Variants in IL7 observed in about 807,000 individuals in gnomAD.
The protein encoded by IL7 is interleukin 7, also known as interleukin-7.
IL7 carries 3 observed loss-of-function variants against 21.6 expected under a neutral mutation model. The observed-to-expected ratio is 0.14, with a 90% CI of 0.06 to 0.36. The LOEUF is 0.36. Among genes scored for constraint, IL7 ranks in the 10% least tolerant of loss-of-function variants. IL7 has a pLI of 1.00. For missense variants in IL7, 175 were observed against 200.2 expected, an observed-to-expected ratio of 0.87 and a Z score of 0.76; for synonymous variants, 62 against 68.1, an observed-to-expected ratio of 0.91 and a Z score of 0.44.
chr8:78,785,988 T>C (rs1018555708), intron 2 of IL7, among the ~76,000 whole-genome samples: 2 of 152,206 alleles, frequency 1.3e-5, no homozygotes, highest in African/African-American at 4.8e-5. Flanking sequence ...GTCCTCTTTC[T>C]CTCTTTTTAT....
intron 2 of IL7, among the ~76,000 whole-genome samples, chr8:78,748,682 T>C (rs1812063056): frequency 6.6e-6 from 1 of 152,166 alleles, no homozygotes. Flanking sequence ...GAGCTGACTT[T>C]CAAAGATTCA....
chr8:78,719,720 T>C (rs1191726394), intron 5 of IL7: 1 of 151,790 alleles, frequency 6.6e-6, no homozygotes, highest in African/African-American at 2.4e-5. Flanking sequence ...TCACCAATAA[T>C]GTCTTCATAT....
chr8:78,760,568 A>C (rs563183735), intron 2 of IL7: 757 of 1,553,068 alleles, frequency 4.9e-4, no homozygotes, highest in Non-Finnish European at 6.1e-4. Context: ...GTGTTCCTCC[A>C]AAGTATTGAA....
intron 4 of IL7, among the ~76,000 whole-genome samples, chr8:78,680,482 G>A (rs1333696357): frequency 2.0e-5 from 3 of 152,134 alleles, no homozygotes; most frequent in Admixed American, 1.3e-4. Context: ...AACATCCTTG[G>A]GTGAGTCGTA....
chr8:78,699,205 CT>C (rs1334256759), intron 3 of IL7, among the ~76,000 whole-genome samples: 1 of 151,790 alleles, frequency 6.6e-6, no homozygotes, highest in Non-Finnish European at 1.5e-5. Context: ...TAATTTAATC[CT>C]TTTTTATATT....
chr8:78,747,002 A>G (rs1338705407), intron 2 of IL7: 2 of 456,470 alleles, frequency 4.4e-6, no homozygotes, highest in East Asian at 1.4e-4. Flanking sequence ...TCATGGTCAC[A>G]TGTGCTAGAG....
intron 2 of IL7, among the ~76,000 whole-genome samples, chr8:78,744,451 T>A (rs760419826): frequency 3.3e-5 from 5 of 152,038 alleles, no homozygotes; most frequent in Admixed American, 6.5e-5. Flanking sequence ...CTGAAAAAGG[T>A]GACTTGCCCA....
intron 2 of IL7, among the ~76,000 whole-genome samples, chr8:78,759,174 T>C (rs1230768878): frequency 2.0e-5 from 3 of 150,930 alleles, no homozygotes; most frequent in Admixed American, 2.0e-4. Flanking sequence ...ATATTTTAAT[T>C]TCATCCACTG....
intron 3 of IL7, among the ~76,000 whole-genome samples, chr8:78,687,774 ATATATATTTACGTAATACATT>A (rs1563626994): frequency 5.4e-5 from 7 of 129,472 alleles, no homozygotes; most frequent in African/African-American, 1.8e-4. Context: ...AAGACATTAT[ATATATATTTACGTAATACATT>A]ATATATATTC....
intron 2 of IL7, among the ~76,000 whole-genome samples, chr8:78,788,883 T>G (rs551928206): frequency 6.6e-6 from 1 of 152,314 alleles, no homozygotes; most frequent in Non-Finnish European, 1.5e-5. Flanking sequence ...AGTTTTTGCT[T>G]CACAGAGTTT....
At chr8:78,776,731 T>C (rs72661371) in intron 2 of IL7, among the ~76,000 whole-genome samples, 6,694 of 152,154 alleles carry the variant, frequency 0.044, 209 homozygotes, top group Middle Eastern at 0.082. Context: ...GCCCATTTAA[T>C]TTATTTAAAA....
intron 2 of IL7, among the ~76,000 whole-genome samples, chr8:78,792,052 G>A (rs1813714669): frequency 6.6e-6 from 1 of 152,070 alleles, no homozygotes; most frequent in East Asian, 1.9e-4. Context: ...TAAACACCAA[G>A]CTACAGTAAT....
At chr8:78,697,604 T>G in intron 3 of IL7, 1 of 845,880 alleles carries the variant, frequency 1.2e-6, no homozygotes, top group African/African-American at 1.8e-5. Flanking sequence ...TAAGATAGAT[T>G]TATAATTAAG....
chr8:78,708,517 AAAAAAC>A (rs1165423510), intron 3 of IL7, among the ~76,000 whole-genome samples: 2 of 151,918 alleles, frequency 1.3e-5, no homozygotes, highest in African/African-American at 4.8e-5. Context: ...GTCTCCATTA[AAAAAAC>A]AAAAACAAAA....
intron 2 of IL7, among the ~76,000 whole-genome samples, chr8:78,782,951 G>T (rs1281066819): frequency 1.3e-5 from 2 of 152,174 alleles, no homozygotes; most frequent in East Asian, 1.9e-4. Flanking sequence ...GCCTAAAGAG[G>T]CAGTCTGGTG....
intron 2 of IL7, among the ~76,000 whole-genome samples, chr8:78,788,148 T>A (rs1288838955): frequency 6.6e-6 from 1 of 152,180 alleles, no homozygotes; most frequent in African/African-American, 2.4e-5. Context: ...GTTTCTTATT[T>A]TCGTGGTCAG....
At chr8:78,725,235 T>G (rs2130640933) in intron 3 of IL7, among the ~76,000 whole-genome samples, 1 of 151,956 alleles carries the variant, frequency 6.6e-6, no homozygotes, top group Non-Finnish European at 1.5e-5. Flanking sequence ...CATTTCCTAG[T>G]GAGGATGGTG....
chr8:78,751,076 T>A (rs1812153159), intron 2 of IL7, among the ~76,000 whole-genome samples: 1 of 138,012 alleles, frequency 7.2e-6, no homozygotes. Flanking sequence ...CTTCCAAAAC[T>A]GAGAAGCAAA....
chr8:78,795,243 A>G (rs1175908904), intron 2 of IL7, among the ~76,000 whole-genome samples: 3 of 152,132 alleles, frequency 2.0e-5, no homozygotes, highest in Admixed American at 1.3e-4. Flanking sequence ...ATGTCTGCAA[A>G]GCATCTAGTC....
Sources: gnomAD v4.1 joint callset for allele counts (sites outside exome capture counted in the v4.1 genomes callset) on GRCh38, gnomAD v4.1.1 for gene constraint, MANE v1.5 for transcripts, NCBI Gene and HGNC (gene_info 2026-07-23, HGNC 2026-07-21) for gene names.